The following BFSP1 variants were observed in gnomAD, a reference collection of about 807,000 sequenced individuals.
The protein encoded by BFSP1 is beaded filament structural protein 1, also known as filensin.
Under a neutral mutation model 43.9 loss-of-function variants are expected in BFSP1, and 38 were observed. The observed-to-expected ratio is 0.87, with a 90% CI of 0.67 to 1.14. The LOEUF (loss-of-function observed/expected upper bound fraction) is 1.14, where lower values mean the gene tolerates loss of function less well. Among genes scored for constraint, BFSP1 ranks in the 50% most tolerant of loss-of-function variants. The pLI is 0.00. For missense variants in BFSP1, 850 were observed against 875.1 expected (o/e 0.97, Z 0.36); for synonymous variants, 352 against 354.8 (o/e 0.99, Z 0.09).
At chr20:17,552,332 G>T (rs1209328816) in intron 1 of BFSP1, among the ~76,000 whole-genome samples, 1 of 152,148 alleles carries the variant, frequency 6.6e-6, no homozygotes, top group Non-Finnish European at 1.5e-5. Context: ...TCAAGGAAGG[G>T]TGCAGAGGCC....
chr20:17,497,629 CAT>C (rs767629987), intron 6 of BFSP1, among the ~76,000 whole-genome samples: 17 of 141,240 alleles, frequency 1.2e-4, no homozygotes, highest in African/African-American at 2.5e-4. Context: ...TATACACACA[CAT>C]ATATACATAT....
At chr20:17,551,458 C>T (rs1438802079) in intron 1 of BFSP1, among the ~76,000 whole-genome samples, 1 of 152,214 alleles carries the variant, frequency 6.6e-6, no homozygotes, top group African/African-American at 2.4e-5. Context: ...CACCAGGCCC[C>T]TCTTCTAACA....
At chr20:17,528,565 A>G (rs1019272113) in intron 1 of BFSP1, among the ~76,000 whole-genome samples, 10 of 152,206 alleles carry the variant, frequency 6.6e-5, no homozygotes, top group African/African-American at 2.4e-4. Context: ...AGGCTGCAGG[A>G]GTCCAAGAAC....
At chr20:17,506,555 AT>A (rs2033943346) in intron 5 of BFSP1, among the ~76,000 whole-genome samples, 1 of 143,442 alleles carries the variant, frequency 7.0e-6, no homozygotes, top group Admixed American at 7.1e-5. Context: ...ACGGGGTCTC[AT>A]TCTGTTGCCC....
chr20:17,529,912 G>T (rs1349143073), intron 1 of BFSP1, among the ~76,000 whole-genome samples: 1 of 152,188 alleles, frequency 6.6e-6, no homozygotes, highest in Non-Finnish European at 1.5e-5. Context: ...GAGTCAAAGA[G>T]CACACACATT....
Position 17,531,300 on chromosome 20 carries a change from G to A in BFSP1, c.30C>T (p.Thr10=), listed in dbSNP as rs2034534852. The A allele has an allele frequency of 2.7e-6, 4 of 1,472,480 alleles. No individual in the cohort carries two copies. Among genetic ancestry groups the A allele is most frequent in the Non-Finnish European group, 3.6e-6 (4 of 1,118,586 alleles). 91.2% of individuals were successfully genotyped at this position (1,472,480 alleles called of 1,614,324 possible). MYRRSYVFQ[T]RKEQYEHADE... ...CGGCGTGCTCGTACTGCTCCTTGCG[G>A]GTCTGGAAGACGTAGCTGCGCCGGT... The change falls in exon 1 of 8, where the codon ACC becomes ACT. Residue 10 remains threonine (T), a synonymous_variant. Transcript: ENST00000377873.
intron 1 of BFSP1, among the ~76,000 whole-genome samples, chr20:17,553,850 CAT>C (rs869119570): frequency 1.3e-5 from 1 of 77,290 alleles, no homozygotes; most frequent in Non-Finnish European, 2.5e-5. Flanking sequence ...CATATATATA[CAT>C]ATATATACAC....
chr20:17,506,639 G>A (rs1388978879), intron 5 of BFSP1, among the ~76,000 whole-genome samples: 2 of 150,290 alleles, frequency 1.3e-5, no homozygotes, highest in African/African-American at 4.9e-5. Context: ...GTCCTCCCAT[G>A]TCAGCTTCCT....
rs146432959 is a variant in BFSP1 at position 17,525,400 on chromosome 20, C to G, written c.378-492G>C. On this transcript the variant is annotated intron_variant, in intron 1 of 7. Coordinates refer to ENST00000377873, the MANE Select transcript of BFSP1 (RefSeq NM_001195.5). The surrounding 1 kb of genome is among the most constrained non-coding windows in gnomAD (Gnocchi z 4.2). ...ATCCTTACATCACCCCAGAAGAAAGCAGTTATTGTTAGTGCTGCATTAAAG... is the reference window on the plus strand; with the variant it reads ...ATCCTTACATCACCCCAGAAGAAAGGAGTTATTGTTAGTGCTGCATTAAAG... Among the ~76,000 whole-genome samples the G allele has an allele frequency of 1.3e-5, 2 of 152,316 alleles. No homozygotes were observed. The highest frequency in any genetic ancestry group is 2.9e-5 in the Non-Finnish European group (2 of 68,030).
At chr20:17,515,717 C>G (rs965946719) in intron 2 of BFSP1, among the ~76,000 whole-genome samples, 1 of 152,190 alleles carries the variant, frequency 6.6e-6, no homozygotes, top group Non-Finnish European at 1.5e-5. Flanking sequence ...GTGAGCATTA[C>G]TTGGGTTCAT....
At chr20:17,565,454 C>A (rs1415606330) in intron 1 of BFSP1, 1 of 152,166 alleles carries the variant, frequency 6.6e-6, no homozygotes, top group Non-Finnish European at 1.5e-5. Flanking sequence ...ATCCTAAATG[C>A]CCATCAGTAG....
In BFSP1 at chr20:17,496,962, G is replaced by A; in HGVS notation, c.1018C>T (p.Leu340Phe). 6.5e-7 allele frequency: 1 copy of A among 1,544,558 alleles called. No homozygotes were observed. The highest frequency in any genetic ancestry group is 8.7e-7 in the Non-Finnish European group (1 of 1,145,354). Residue 340 changes from leucine (L) to phenylalanine (F), a missense_variant, in exon 7 of 8, where the codon CTC becomes TTC. Transcript: ENST00000377873. ...PLFTQSHGVS[L>F]STGSGGKDLT... ...CCTTTCCCACCGGATCCAGTGCTGA[G>A]AGAGACTCCATGGCTCTGGGTGAAC... is the stretch of plus-strand genomic sequence containing the variant.
At chr20:17,509,085 T>C in intron 4 of BFSP1, 89 bp from the exon 5 acceptor site, 1 of 952,412 alleles carries the variant, frequency 1.0e-6, no homozygotes, top group African/African-American at 1.7e-5. Flanking sequence ...GGACGGAATA[T>C]CCGTGTCCCC....
At chr20:17,562,088 T>C (rs979092643), upstream of BFSP1, among the ~76,000 whole-genome samples, 2 of 151,514 alleles carry the variant, frequency 1.3e-5, no homozygotes, top group African/African-American at 4.8e-5. Flanking sequence ...ATCTGGCTAA[T>C]TTTTTGTATT....
intron 5 of BFSP1, among the ~76,000 whole-genome samples, chr20:17,500,719 G>C (rs766059325): frequency 4.6e-5 from 7 of 151,956 alleles, no homozygotes; most frequent in African/African-American, 7.3e-5. Context: ...TACAGCTCAC[G>C]TTTCCCACAG....
chr20:17,522,021 A>G (rs2034329085), intron 2 of BFSP1, among the ~76,000 whole-genome samples: 1 of 152,106 alleles, frequency 6.6e-6, no homozygotes, highest in African/African-American at 2.4e-5. Flanking sequence ...AGAGCCCGAG[A>G]TGCAGGCAGT....
upstream of BFSP1, chr20:17,531,489 G>C (rs1422284064): frequency 9.1e-7 from 1 of 1,097,212 alleles, no homozygotes; most frequent in Non-Finnish European, 1.1e-6. Flanking sequence ...GCCCGGGCGC[G>C]GGAGAAGAAA....
chr20:17,514,769 G>A lies in BFSP1; in HGVS notation c.486C>T (p.Ala162=), dbSNP rs768580102. The part of the protein sequence containing the change: ...LLHNLRLQLE[A]QFLQDDISAA... ...CACTGATATCATCTTGCAGAAATTG[G>A]GCTTCCAGCTGAAGGCGTAGGTTAT... Residue 162 remains alanine, a synonymous_variant, in exon 3 of 8, where the codon GCC becomes GCT. Transcript: ENST00000377873. The A allele has an allele frequency of 6.2e-7, 1 of 1,614,030 alleles. No homozygotes were observed. The highest frequency in any genetic ancestry group is 2.2e-5 in the East Asian group (1 of 44,872).
At chr20:17,548,330 T>C (rs562118963) in intron 1 of BFSP1, among the ~76,000 whole-genome samples, 54 of 152,356 alleles carry the variant, frequency 3.5e-4, no homozygotes, top group African/African-American at 1.3e-3. Flanking sequence ...AAATAAGTTT[T>C]AGTCTTACTA....
Sources: gnomAD v4.1 joint callset for allele counts (sites outside exome capture counted in the v4.1 genomes callset) on GRCh38, gnomAD v4.1.1 for gene constraint, Gnocchi (gnomAD v3.1) non-coding constraint, MANE v1.5 for transcripts, NCBI Gene and HGNC (gene_info 2026-07-23, HGNC 2026-07-21) for gene names.